ACSL4: variants seen among roughly 807,000 people sequenced by gnomAD.
The protein encoded by ACSL4 is long-chain-fatty-acid--CoA ligase 4.
In ACSL4, 9 loss-of-function variants were observed where a neutral mutation model predicts 49.1. The observed-to-expected ratio is 0.18, with a 90% CI of 0.11 to 0.32. ACSL4 has a LOEUF of 0.32. ACSL4 is among the 10% of genes least tolerant of loss of function. The pLI is 1.00. For synonymous variants in ACSL4, 191 were observed against 170.3 expected (o/e 1.12, Z -0.95); for missense variants, 333 against 493.7 (o/e 0.67, Z 3.08).
chrX:109,718,187 T>C (rs1927267694), intron 1 of ACSL4, among the ~76,000 whole-genome samples: 1 of 112,415 alleles, frequency 8.9e-6, no homozygotes, highest in African/African-American at 3.2e-5. Context: ...ACTGGACAAA[T>C]AATATGACCT....
chrX:109,731,008 AGTGCG>A (rs1928401006), intron 1 of ACSL4, among the ~76,000 whole-genome samples: 1 of 112,072 alleles, frequency 8.9e-6, no homozygotes, highest in East Asian at 2.8e-4. Flanking sequence ...TTTAAAAAAT[AGTGCG>A]GTATAACACA....
At chrX:109,717,903 T>C (rs1335477997) in intron 1 of ACSL4, among the ~76,000 whole-genome samples, 1 of 111,766 alleles carries the variant, frequency 8.9e-6, no homozygotes, top group African/African-American at 3.3e-5. Context: ...ATATTTTATG[T>C]GTAGCCCAAG....
rs184484579 is a variant in ACSL4 at position 109,711,756 on chromosome X, T to C, written c.-65-15560A>G. Among the ~76,000 whole-genome samples, 292 of 110,692 alleles carry C rather than the reference T, an allele frequency of 2.6e-3. 1 individual carries two copies. Among genetic ancestry groups the C allele is most frequent in the Non-Finnish European group, 4.5e-3 (240 of 52,900 alleles). ...GACCTCCTATGTTACGTGAAGTGCC[T>C]CTGCTATTTGACCTCAAAGTACCCT... On this transcript the variant is annotated intron_variant, in intron 1 of 15. Coordinates refer to ENST00000672401, the MANE Select transcript of ACSL4 (RefSeq NM_001318510.2).
intron 13 of ACSL4, among the ~76,000 whole-genome samples, chrX:109,662,633 A>C (rs1922266954): frequency 9.0e-6 from 1 of 111,214 alleles, no homozygotes; most frequent in South Asian, 3.8e-4. Context: ...CAGTAGACTC[A>C]ATGAGGACAA....
At chrX:109,732,731 G>A (rs1047050042) in intron 1 of ACSL4, among the ~76,000 whole-genome samples, 3 of 111,586 alleles carry the variant, frequency 2.7e-5, no homozygotes, top group Middle Eastern at 4.6e-3. Flanking sequence ...GGACAAAATG[G>A]AGTTGAGGTT....
chrX:109,683,076 T>C, intron 3 of ACSL4, 60 bp downstream of exon 3: 1 of 1,143,231 alleles, frequency 8.7e-7, no homozygotes, highest in South Asian at 1.8e-5. Flanking sequence ...ACTCGATTTA[T>C]GATAAAACAA....
At chrX:109,683,078 A>G in intron 3 of ACSL4, 58 bp downstream of exon 3, 1 of 1,145,272 alleles carries the variant, frequency 8.7e-7, no homozygotes, top group Non-Finnish European at 1.2e-6. Flanking sequence ...TCGATTTATG[A>G]TAAAACAAAT....
intron 1 of ACSL4, among the ~76,000 whole-genome samples, chrX:109,700,127 G>C (rs1353787448): frequency 8.9e-5 from 9 of 101,220 alleles, no homozygotes; most frequent in African/African-American, 3.0e-4. Flanking sequence ...AGAACTACTT[G>C]AACCCGGGAG....
chrX:109,677,886 A>G, intron 8 of ACSL4, 102 bp downstream of exon 8: 3 of 1,107,306 alleles, frequency 2.7e-6, no homozygotes, highest in Non-Finnish European at 3.7e-6. Context: ...GGTCAAGGAG[A>G]AAGCTTTAGC....
At chrX:109,647,183 T>A (rs1052676224) in intron 15 of ACSL4, among the ~76,000 whole-genome samples, 2 of 111,216 alleles carry the variant, frequency 1.8e-5, no homozygotes, top group Admixed American at 1.9e-4. Context: ...CTAATAGACA[T>A]CTACAGAACT....
In ACSL4 at chrX:109,720,336, G is replaced by A. The variant is rs765473621; in HGVS notation, c.-66+12803C>T. Among the ~76,000 whole-genome samples the A allele has an allele frequency of 4.6e-5, 5 of 108,895 alleles. No homozygotes were observed. In the East Asian group the frequency reaches 1.1e-3, roughly 25 times the overall value. The allele number at this position is 108,895 out of a possible 115,157, so 94.6% of individuals were successfully genotyped here. A position where few individuals can be genotyped will look rare whatever the true frequency, so the allele number is the denominator to read the frequency against. The stretch of plus-strand genomic sequence containing the variant: ...CAGAGCGAGACTCAAAAAAAAAAAA[G>A]CTACTTTCCTACAAACATTTAAATA... On this transcript the variant is annotated intron_variant, in intron 1 of 15. Coordinates refer to ENST00000672401, the MANE Select transcript of ACSL4 (RefSeq NM_001318510.2).
Position 109,646,859 on chromosome X carries a change from C to T in ACSL4, c.1856-2673G>A, listed in dbSNP as rs774913597. Among the ~76,000 whole-genome samples, 552 of 110,548 alleles carry T rather than the reference C, an allele frequency of 5.0e-3. 2 individuals carry two copies. Among genetic ancestry groups the T allele is most frequent in the African/African-American group, 0.016 (483 of 30,295 alleles). On this transcript the variant is annotated intron_variant, in intron 15 of 15. Coordinates refer to ENST00000672401, the MANE Select transcript of ACSL4 (RefSeq NM_001318510.2). Reference sequence around the variant, plus strand: ...AAGCAAATGGAAAACAAAAAAAAGGCAGGGGTTGCAATCCTAGTCTCTGAT... The same window carrying T: ...AAGCAAATGGAAAACAAAAAAAAGGTAGGGGTTGCAATCCTAGTCTCTGAT...
chrX:109,682,381 GTTTT>G (rs1464625094), intron 4 of ACSL4, among the ~76,000 whole-genome samples: 3 of 110,806 alleles, frequency 2.7e-5, no homozygotes, highest in Non-Finnish European at 3.8e-5. Context: ...CTGAGAAATG[GTTTT>G]TTGTTCTTTT....
chrX:109,710,739 C>T (rs187475008), intron 1 of ACSL4, among the ~76,000 whole-genome samples: 1 of 111,699 alleles, frequency 9.0e-6, no homozygotes, highest in African/African-American at 3.3e-5. Flanking sequence ...GAGATGGGGT[C>T]TTGCTTTGTC....
At chrX:109,660,314 A>G (rs977227563) in intron 14 of ACSL4, among the ~76,000 whole-genome samples, 3 of 111,750 alleles carry the variant, frequency 2.7e-5, no homozygotes, top group Non-Finnish European at 5.7e-5. Context: ...TAATATATGA[A>G]TGGCCAACAA....
intron 1 of ACSL4, among the ~76,000 whole-genome samples, chrX:109,708,119 T>C (rs763221585): frequency 8.9e-6 from 1 of 111,800 alleles, no homozygotes; most frequent in East Asian, 2.8e-4. Flanking sequence ...TAATTTTTTG[T>C]ATTTTTGGTA....
chrX:109,657,577 A>C (rs1213417259), intron 15 of ACSL4, among the ~76,000 whole-genome samples: 5 of 111,284 alleles, frequency 4.5e-5, no homozygotes. Flanking sequence ...ATAGTATTCC[A>C]TGGTGTATAT....
rs1044782293 is a variant in ACSL4, at chrX:109,723,714, C to T, written c.-66+9425G>A. 2.7e-4 allele frequency among the ~76,000 whole-genome samples: 30 copies of T among 112,344 alleles called. 1 individual carries two copies. The highest frequency in any genetic ancestry group is 9.7e-4 in the African/African-American group (30 of 30,944). ...GCGAAACCTTATACATAGTTTTATACACATGTAATATTTCCCTAGAATTGT... is the reference window on the plus strand; with the variant it reads ...GCGAAACCTTATACATAGTTTTATATACATGTAATATTTCCCTAGAATTGT... On this transcript the variant is annotated intron_variant, in intron 1 of 15. Coordinates refer to ENST00000672401, the MANE Select transcript of ACSL4 (RefSeq NM_001318510.2).
Position 109,677,409 on chromosome X carries a change from T to C in ACSL4, c.930+579A>G, listed in dbSNP as rs147251059. Among the ~76,000 whole-genome samples, 407 of 111,679 alleles carry C rather than the reference T, an allele frequency of 3.6e-3. 3 individuals carry two copies. Among genetic ancestry groups the C allele is most frequent in the African/African-American group, 0.013 (393 of 30,773 alleles). On this transcript the variant is annotated intron_variant, in intron 8 of 15. Coordinates refer to ENST00000672401, the MANE Select transcript of ACSL4 (RefSeq NM_001318510.2). ...ATGGGTAGTGTGTCAAAAAGGCTCA[T>C]TGCATTTATATTCTCTATCGTAGTT...
Sources: allele counts gnomAD v4.1 joint callset (sites outside exome capture counted in the v4.1 genomes callset), GRCh38; gene constraint gnomAD v4.1.1; transcripts MANE v1.5; gene names NCBI Gene and HGNC (gene_info 2026-07-23, HGNC 2026-07-21).